The following PGPEP1L variants were observed in gnomAD, a reference collection of about 807,000 sequenced individuals.
PGPEP1L encodes pyroglutamyl-peptidase I like.
PGPEP1L carries 7 observed loss-of-function variants against 6.0 expected under a neutral mutation model. The observed-to-expected ratio is 1.17, with a 90% CI of 0.66 to 2.19. PGPEP1L has a LOEUF of 2.19. Among genes scored for constraint, PGPEP1L ranks in the 30% most tolerant of loss-of-function variants. The pLI, the probability that PGPEP1L is intolerant of heterozygous loss-of-function variation, is 0.00. For missense variants in PGPEP1L, 209 were observed against 192.5 expected, an observed-to-expected ratio of 1.09 and a Z score of -0.51; for synonymous variants, 103 against 83.9, an observed-to-expected ratio of 1.23 and a Z score of -1.24.
At chr15:98,993,002 C>A (rs1263693826) in intron 2 of PGPEP1L, among the ~76,000 whole-genome samples, 1 of 152,024 alleles carries the variant, frequency 6.6e-6, no homozygotes, top group Non-Finnish European at 1.5e-5. Flanking sequence ...CTGTAAGAAC[C>A]CTAGAAGAAA....
intron 1 of PGPEP1L, among the ~76,000 whole-genome samples, chr15:99,005,929 T>G (rs1467297022): frequency 6.6e-6 from 1 of 152,182 alleles, no homozygotes; most frequent in Non-Finnish European, 1.5e-5. Flanking sequence ...AGATCTTATT[T>G]TTTCCTCTTT....
intron 2 of PGPEP1L, among the ~76,000 whole-genome samples, chr15:98,996,663 G>A (rs2017893384): frequency 6.6e-6 from 1 of 152,126 alleles, no homozygotes; most frequent in Non-Finnish European, 1.5e-5. Flanking sequence ...ATATATGCAT[G>A]CACGTGTGTA....
Position 98,969,535 on chromosome 15 carries a change from C to A in PGPEP1L, c.99G>T (p.Val33=). 6.2e-7 allele frequency: 1 copy of A among 1,614,040 alleles called. No individual in the cohort carries two copies. The highest frequency in any genetic ancestry group is 1.3e-5 in the African/African-American group (1 of 75,068). ...DIRSFWPEGG[V]CLPGSPDVLE... is the part of the protein sequence containing the mutation. ...GCACGTCTGGGCTGCCAGGTAGGCACACGCCGCCCTCGGGCCAGAAGCTGC... is the reference window on the plus strand; with the variant it reads ...GCACGTCTGGGCTGCCAGGTAGGCAAACGCCGCCCTCGGGCCAGAAGCTGC... Residue 33 remains valine (V), a synonymous_variant, in exon 4 of 5, where the codon GTG becomes GTT. Coordinates refer to ENST00000535714, the MANE Select transcript of PGPEP1L (RefSeq NM_001167902.2).
chr15:98,978,156 C>A (rs895738718), intron 2 of PGPEP1L, among the ~76,000 whole-genome samples: 13 of 152,142 alleles, frequency 8.5e-5, no homozygotes, highest in African/African-American at 2.9e-4. Context: ...TTCATTAGTC[C>A]CTGTCTAGAT....
intron 2 of PGPEP1L, among the ~76,000 whole-genome samples, chr15:99,002,431 C>T (rs1411667781): frequency 1.3e-5 from 2 of 152,114 alleles, no homozygotes; most frequent in Non-Finnish European, 2.9e-5. Context: ...GGTGATGGTA[C>T]TGCTAGGTAT....
intron 1 of PGPEP1L, among the ~76,000 whole-genome samples, chr15:99,006,325 T>C (rs1411691014): frequency 2.0e-5 from 3 of 152,252 alleles, no homozygotes; most frequent in Admixed American, 6.5e-5. Context: ...GCGTTCTACC[T>C]GCGAAAAGTG....
At chr15:98,978,726 A>ATATATTT (rs1446348988) in intron 2 of PGPEP1L, among the ~76,000 whole-genome samples, 2 of 85,254 alleles carry the variant, frequency 2.3e-5, no homozygotes, top group African/African-American at 1.0e-4. Flanking sequence ...ATATATATAT[A>ATATATTT]TTTTTTTTTT....
In PGPEP1L at chr15:99,006,872, C is replaced by G. The variant is rs367722623; in HGVS notation, c.-370+487G>C. ...AGCTGTATATTAAGAGGAAGAAGAC[C>G]CATGATTCTCTGTCCCCATCTAGGT... On this transcript the variant is annotated intron_variant, in intron 1 of 4. Transcript: ENST00000535714. 3.8e-4 allele frequency among the ~76,000 whole-genome samples: 58 copies of G among 152,158 alleles called. No homozygotes were observed. The East Asian group carries it at 9.9e-3, about 26-fold the overall frequency.
intron 4 of PGPEP1L, among the ~76,000 whole-genome samples, chr15:98,969,125 C>T (rs2017450712): frequency 6.6e-6 from 1 of 152,232 alleles, no homozygotes; most frequent in Admixed American, 6.5e-5. Context: ...CCCCAAAAAT[C>T]AAAATCAGAA....
chr15:98,974,756 C>T (rs528427451), intron 2 of PGPEP1L, among the ~76,000 whole-genome samples: 4 of 152,200 alleles, frequency 2.6e-5, no homozygotes, highest in South Asian at 2.1e-4. Context: ...AATTAGCTGG[C>T]GTCATGGCAC....
chr15:98,974,187 G>C (rs1411523983), intron 2 of PGPEP1L, among the ~76,000 whole-genome samples: 1 of 151,796 alleles, frequency 6.6e-6, no homozygotes, highest in East Asian at 2.0e-4. Context: ...TCAAGACCAG[G>C]ACAACATGGC....
chr15:98,988,276 C>T (rs1301390523), intron 2 of PGPEP1L, among the ~76,000 whole-genome samples: 2 of 152,100 alleles, frequency 1.3e-5, no homozygotes, highest in East Asian at 1.9e-4. Flanking sequence ...AGTCTGAGGT[C>T]GACCTAGGAC....
chr15:98,986,956 CAGG>C (rs1555471539), intron 2 of PGPEP1L, among the ~76,000 whole-genome samples: 1 of 151,892 alleles, frequency 6.6e-6, no homozygotes, highest in African/African-American at 2.4e-5. Flanking sequence ...ATCAAGAGGT[CAGG>C]AGATGGAGAC....
intron 2 of PGPEP1L, among the ~76,000 whole-genome samples, chr15:98,985,561 A>C (rs2017735981): frequency 6.6e-6 from 1 of 152,120 alleles, no homozygotes; most frequent in Non-Finnish European, 1.5e-5. Context: ...AAACAACCAA[A>C]CAAAAAACCC....
intron 2 of PGPEP1L, among the ~76,000 whole-genome samples, chr15:98,989,706 A>G (rs1555471873): frequency 6.6e-6 from 1 of 152,210 alleles, no homozygotes; most frequent in East Asian, 1.9e-4. Flanking sequence ...GAAATGAAGT[A>G]AAAAATGTTA....
intron 2 of PGPEP1L, among the ~76,000 whole-genome samples, chr15:99,004,873 C>G (rs1367356665): frequency 6.6e-6 from 1 of 151,550 alleles, no homozygotes; most frequent in African/African-American, 2.4e-5. Context: ...AGTTGACCTT[C>G]TGGGGCTCAG....
At chr15:98,996,293 T>G (rs899837316) in intron 2 of PGPEP1L, among the ~76,000 whole-genome samples, 5 of 152,196 alleles carry the variant, frequency 3.3e-5, no homozygotes, top group African/African-American at 9.6e-5. Context: ...TCAAGAGAAA[T>G]TGCATAAGCT....
At position 98,969,473 on chromosome 15, in the gene PGPEP1L, C is replaced by T. The variant is rs1288712904; in HGVS notation, c.161G>A (p.Arg54His). The T allele has an allele frequency of 1.2e-5, 20 of 1,613,938 alleles. No homozygotes were observed. Among genetic ancestry groups the T allele is most frequent in the African/African-American group, 6.7e-5 (5 of 74,932 alleles). The change falls in exon 4 of 5, where the codon CGC (arginine) becomes CAC (histidine). Residue 54 changes from arginine (R) to histidine (H), a missense_variant. Coordinates refer to ENST00000535714, the MANE Select transcript of PGPEP1L (RefSeq NM_001167902.2). ...CACGTCGACACCCTCCACAGCTACG[C>T]GCTTGCAGACTGCCTTCATGCAGAC... ...SGVCMKAVCK[R>H]VAVEGVDVIF... is the part of the protein sequence containing the mutation.
chr15:98,997,878 A>G lies in PGPEP1L; in HGVS notation c.-142+7551T>C, dbSNP rs559468717. 2.4e-3 allele frequency among the ~76,000 whole-genome samples: 368 copies of G among 152,232 alleles called. 4 individuals are homozygous for G. The highest frequency in any genetic ancestry group is 8.2e-3 in the African/African-American group (341 of 41,550). On this transcript the variant is annotated intron_variant, in intron 2 of 4. Coordinates refer to ENST00000535714, the MANE Select transcript of PGPEP1L (RefSeq NM_001167902.2). ...GAGGACACTCCCCATCCCTCCCAGGAGGGTCCCTTTAGGCCCCTTTCTTTA... is the reference window on the plus strand; with the variant it reads ...GAGGACACTCCCCATCCCTCCCAGGGGGGTCCCTTTAGGCCCCTTTCTTTA...
Sources: allele counts gnomAD v4.1 joint callset (sites outside exome capture counted in the v4.1 genomes callset), GRCh38; gene constraint gnomAD v4.1.1; transcripts MANE v1.5; gene names NCBI Gene and HGNC (gene_info 2026-07-23, HGNC 2026-07-21).